DNAJB14: variants seen among roughly 807,000 people sequenced by gnomAD.
The protein encoded by DNAJB14 is DnaJ heat shock protein family (Hsp40) member B14, also known as dnaJ homolog subfamily B member 14.
DNAJB14 carries 22 observed loss-of-function variants against 48.4 expected under a neutral mutation model. The observed-to-expected ratio is 0.45, with a 90% CI of 0.32 to 0.65. The LOEUF (loss-of-function observed/expected upper bound fraction) is 0.65, where lower values mean the gene tolerates loss of function less well. DNAJB14 is among the 30% of genes least tolerant of loss of function. DNAJB14 has a pLI of 0.03. For synonymous variants in DNAJB14, 142 were observed against 158.7 expected (o/e 0.89, Z 0.79); for missense variants, 319 against 458.8 (o/e 0.70, Z 2.78).
chr4:99,917,438 A>G (rs1725895633), intron 3 of DNAJB14, among the ~76,000 whole-genome samples: 1 of 152,094 alleles, frequency 6.6e-6, no homozygotes. Flanking sequence ...CTGGTTCACA[A>G]ATGGTTCCTT....
intron 5 of DNAJB14, chr4:99,906,299 G>A: frequency 9.3e-7 from 1 of 1,071,472 alleles, no homozygotes; most frequent in Non-Finnish European, 1.3e-6. Context: ...TAGAATCATA[G>A]AATAACAAAT....
intron 1 of DNAJB14, among the ~76,000 whole-genome samples, chr4:99,931,849 A>T (rs1332367440): frequency 3.9e-5 from 6 of 152,008 alleles, no homozygotes; most frequent in Admixed American, 3.9e-4. Flanking sequence ...AAAACAAAAT[A>T]AAAAAATCTA....
At chr4:99,941,950 A>AT (rs1726904455) in intron 1 of DNAJB14, 1 of 152,132 alleles carries the variant, frequency 6.6e-6, no homozygotes, top group Non-Finnish European at 1.5e-5. Flanking sequence ...TTGTCACTAA[A>AT]TTTCAATTAA....
chr4:99,898,107 C>T lies in DNAJB14; in HGVS notation c.*2921G>A, dbSNP rs1481259385. On this transcript the variant is annotated 3_prime_UTR_variant, in exon 8 of 8. Coordinates refer to ENST00000442697, the MANE Select transcript of DNAJB14 (RefSeq NM_001031723.4). ...TTTTTCTCAGTAACTACTTTACATA[C>T]TAGTGTAATTAAAGGTTTAACTGGA... 1 of 151,916 alleles carries T rather than the reference C, an allele frequency of 6.6e-6. No individual in the cohort carries two copies. The highest frequency in any genetic ancestry group is 1.5e-5 in the Non-Finnish European group (1 of 67,856). 9.4% of individuals were successfully genotyped at this position (151,916 alleles called of 1,614,324 possible).
At chr4:99,936,114 G>A (rs1016473381) in intron 1 of DNAJB14, among the ~76,000 whole-genome samples, 3 of 152,122 alleles carry the variant, frequency 2.0e-5, no homozygotes, top group Non-Finnish European at 4.4e-5. Flanking sequence ...AAACATGGCT[G>A]AGCTCAAGAG....
At chr4:99,913,039 T>C (rs1725720143) in intron 3 of DNAJB14, among the ~76,000 whole-genome samples, 1 of 152,256 alleles carries the variant, frequency 6.6e-6, no homozygotes, top group South Asian at 2.1e-4. Flanking sequence ...TTATATTGTG[T>C]CCTGCAATCT....
rs575235565 is a variant in DNAJB14, at chr4:99,898,745, T to C, written c.*2283A>G. 40 of 152,064 alleles carry C rather than the reference T, an allele frequency of 2.6e-4. No homozygotes were observed. The highest frequency in any genetic ancestry group is 9.4e-4 in the African/African-American group (39 of 41,566). The allele number at this position is 152,064 out of a possible 1,614,324, so 9.4% of individuals were successfully genotyped here. ...TGAGCCGATGAAATTGCGAAGTTCA[T>C]GTAGCTAAACATAAGATGGCAAAAT... On this transcript the variant is annotated 3_prime_UTR_variant, in exon 8 of 8. Transcript: ENST00000442697.
chr4:99,904,594 A>C (rs1578212093), intron 6 of DNAJB14, among the ~76,000 whole-genome samples: 3 of 152,286 alleles, frequency 2.0e-5, no homozygotes, highest in South Asian at 2.1e-4. Flanking sequence ...GAAAAAATCC[A>C]AAATCCCAAA....
In DNAJB14 at chr4:99,946,580, C is replaced by T; in HGVS notation, c.-9G>A. ...TCCCTGTTCCCCTCCATAGCTTGCT[C>T]CTTCTTCCGTTTCCTCCGGCAGCGC... On this transcript the variant is annotated 5_prime_UTR_variant, in exon 1 of 8. Coordinates refer to ENST00000442697, the MANE Select transcript of DNAJB14 (RefSeq NM_001031723.4). The T allele has an allele frequency of 6.2e-7, 1 of 1,612,696 alleles. No homozygotes were observed. Among genetic ancestry groups the T allele is most frequent in the Non-Finnish European group, 8.5e-7 (1 of 1,179,036 alleles).
rs1035671462 is a variant in DNAJB14 at position 99,898,254 on chromosome 4, T to C, written c.*2774A>G. 1 of 151,992 alleles carries C rather than the reference T, an allele frequency of 6.6e-6. No individual in the cohort carries two copies. Among genetic ancestry groups the C allele is most frequent in the African/African-American group, 2.4e-5 (1 of 41,438 alleles). 9.4% of individuals were successfully genotyped at this position (151,992 alleles called of 1,614,324 possible). On this transcript the variant is annotated 3_prime_UTR_variant, in exon 8 of 8. Coordinates refer to ENST00000442697, the MANE Select transcript of DNAJB14 (RefSeq NM_001031723.4). Reference sequence around the variant, plus strand: ...TTAATGCATTGGCATATATATGCCTTAAGGACTGTACTTTTCTCTACCAAA... The same window carrying C: ...TTAATGCATTGGCATATATATGCCTCAAGGACTGTACTTTTCTCTACCAAA...
At position 99,923,108 on chromosome 4, in the gene DNAJB14, T is replaced by C; in HGVS notation, c.383A>G (p.Tyr128Cys). Residue 128 changes from tyrosine to cysteine, a missense_variant, in exon 3 of 8, where the codon TAT becomes TGT. Tyr to Cys is a radical substitution (Grantham distance 194, BLOSUM62 -2). Coordinates refer to ENST00000442697, the MANE Select transcript of DNAJB14 (RefSeq NM_001031723.4). ...ATGAAACTTCAAAGCAAGCTTTCTA[T>C]AAGCTTTTTTCAAATCTTCATCACC... ...DAGDEDLKKA[Y>C]RKLALKFHPD... 6.2e-7 allele frequency: 1 copy of C among 1,612,612 alleles called. No individual in the cohort carries two copies. The highest frequency in any genetic ancestry group is 1.1e-5 in the South Asian group (1 of 90,932).
intron 3 of DNAJB14, among the ~76,000 whole-genome samples, chr4:99,912,756 GGT>G (rs1553946309): frequency 6.6e-6 from 1 of 152,178 alleles, no homozygotes; most frequent in Non-Finnish European, 1.5e-5. Flanking sequence ...TGGGATTACA[GGT>G]GTGAGTCACC....
At chr4:99,911,190 A>G (rs1363054210) in intron 3 of DNAJB14, among the ~76,000 whole-genome samples, 12 of 152,176 alleles carry the variant, frequency 7.9e-5, no homozygotes, top group South Asian at 4.1e-4. Context: ...TGTAAATCAT[A>G]ATACTCTGGA....
chr4:99,918,316 T>C (rs1725930431), intron 3 of DNAJB14, among the ~76,000 whole-genome samples: 4 of 152,244 alleles, frequency 2.6e-5, no homozygotes, highest in Admixed American at 2.6e-4. Context: ...TTGTTCTTTA[T>C]ACTTTTAATA....
chr4:99,939,613 C>T (rs1726818352), intron 1 of DNAJB14, among the ~76,000 whole-genome samples: 1 of 152,222 alleles, frequency 6.6e-6, no homozygotes, highest in African/African-American at 2.4e-5. Flanking sequence ...GAATTTCATG[C>T]ACAGGGCTTC....
At chr4:99,936,256 T>C (rs1329384628) in intron 1 of DNAJB14, among the ~76,000 whole-genome samples, 3 of 152,194 alleles carry the variant, frequency 2.0e-5, no homozygotes, top group African/African-American at 7.2e-5. Flanking sequence ...CATTTCTCAT[T>C]CTGTTCTGAT....
intron 3 of DNAJB14, among the ~76,000 whole-genome samples, chr4:99,915,782 T>C (rs150082213): frequency 4.6e-4 from 70 of 152,316 alleles, no homozygotes; most frequent in Non-Finnish European, 8.8e-4. Flanking sequence ...TATATTCTTG[T>C]TGATTTTCTG....
At position 99,933,467 on chromosome 4, in the gene DNAJB14, A is replaced by AT. The variant is rs113168450; in HGVS notation, c.134-2847dup. On this transcript the variant is annotated intron_variant, in intron 1 of 7. Coordinates refer to ENST00000442697, the MANE Select transcript of DNAJB14 (RefSeq NM_001031723.4). ...CCCCCGACACCTGGCTAATTTTTTG[A>AT]TTTTTTTTTTAGTAGAGATGGGGTT... Among the ~76,000 whole-genome samples, 159 of 147,746 alleles carry AT rather than the reference A, an allele frequency of 1.1e-3. 2 individuals are homozygous for AT. Among genetic ancestry groups the AT allele is most frequent in the East Asian group, 1.8e-3 (9 of 5,042 alleles).
At chr4:99,939,305 T>C (rs1726805697) in intron 1 of DNAJB14, among the ~76,000 whole-genome samples, 2 of 152,220 alleles carry the variant, frequency 1.3e-5, no homozygotes, top group South Asian at 4.1e-4. Context: ...GAGGTTGCAG[T>C]GAGCCAGGAT....
Sources: gnomAD v4.1 joint callset for allele counts (sites outside exome capture counted in the v4.1 genomes callset) on GRCh38, gnomAD v4.1.1 for gene constraint, MANE v1.5 for transcripts, NCBI Gene and HGNC (gene_info 2026-07-23, HGNC 2026-07-21) for gene names.